The following ATP11C variants were observed in gnomAD, a reference collection of about 807,000 sequenced individuals.
ATP11C encodes ATPase phospholipid transporting 11C (ATP11C blood group).
Under a neutral mutation model 97.4 loss-of-function variants are expected in ATP11C, and 36 were observed. The observed-to-expected ratio is 0.37, with a 90% confidence interval of 0.28 to 0.49. The LOEUF is 0.49. Ranked by LOEUF, ATP11C falls within the 20% of genes least tolerant of loss-of-function variation. ATP11C has a pLI of 0.98. For synonymous variants in ATP11C, 275 were observed against 290.9 expected, an observed-to-expected ratio of 0.95 and a Z score of 0.56; for missense variants, 730 against 824.6, an observed-to-expected ratio of 0.89 and a Z score of 1.40.
chrX:139,761,909 G>T, intron 22 of ATP11C, 52 bp downstream of exon 22: 1 of 910,184 alleles, frequency 1.1e-6, no homozygotes, highest in Non-Finnish European at 1.5e-6. Context: ...TGACCAAGCT[G>T]AGCCAATGCT....
chrX:139,814,849 T>C (rs748614485), intron 5 of ATP11C, 29 bp downstream of exon 5: 2 of 923,893 alleles, frequency 2.2e-6, no homozygotes, highest in Admixed American at 3.0e-5. Flanking sequence ...TTTTTACCAT[T>C]AAAAAAGGAG....
intron 7 of ATP11C, among the ~76,000 whole-genome samples, 157 bp downstream of exon 7, chrX:139,802,079 G>A (rs1362258568): frequency 1.8e-5 from 2 of 111,744 alleles, no homozygotes; most frequent in Non-Finnish European, 3.8e-5. Flanking sequence ...AGTGAACAAG[G>A]CTGATTTGAT....
chrX:139,751,803 A>G (rs2081823014), intron 23 of ATP11C, among the ~76,000 whole-genome samples: 1 of 108,771 alleles, frequency 9.2e-6, no homozygotes, highest in Non-Finnish European at 1.9e-5. Flanking sequence ...AAAAAAAGAC[A>G]TTTAGTATCC....
intron 12 of ATP11C, among the ~76,000 whole-genome samples, chrX:139,790,496 A>T (rs933032187): frequency 4.3e-4 from 46 of 106,613 alleles, no homozygotes; most frequent in Admixed American, 4.3e-3. Flanking sequence ...ACACACACAC[A>T]CTCTTACACT....
chrX:139,776,927 G>T (rs1260468750), intron 18 of ATP11C, among the ~76,000 whole-genome samples: 1 of 111,449 alleles, frequency 9.0e-6, no homozygotes, highest in African/African-American at 3.3e-5. Flanking sequence ...ACCATATAGA[G>T]CCTTGCCCCG....
chrX:139,791,671 A>C (rs988134557), intron 12 of ATP11C, among the ~76,000 whole-genome samples: 5 of 111,090 alleles, frequency 4.5e-5, no homozygotes, highest in African/African-American at 1.3e-4. Context: ...TCATATTTAC[A>C]GAACCACCGC....
At chrX:139,867,943 TAA>T (rs1020790372) in intron 1 of ATP11C, among the ~76,000 whole-genome samples, 1 of 110,532 alleles carries the variant, frequency 9.0e-6, no homozygotes, top group African/African-American at 3.3e-5. Flanking sequence ...GAGAAGGAGT[TAA>T]GAGAGATTAA....
At chrX:139,743,654 A>G in intron 25 of ATP11C, 30 bp from the exon 26 acceptor site, 1 of 884,871 alleles carries the variant, frequency 1.1e-6, no homozygotes, top group Non-Finnish European at 1.6e-6. Context: ...TACATGTACC[A>G]TGTATATACA....
chrX:139,764,747 C>CA (rs1437911981), intron 20 of ATP11C, among the ~76,000 whole-genome samples: 2 of 111,780 alleles, frequency 1.8e-5, no homozygotes, highest in Non-Finnish European at 3.8e-5. Context: ...TTAAATAGTA[C>CA]AAAAAACCCC....
chrX:139,822,755 C>T (rs2083440990), intron 2 of ATP11C, among the ~76,000 whole-genome samples: 1 of 108,504 alleles, frequency 9.2e-6, no homozygotes. Flanking sequence ...CCCTTTGAAC[C>T]ATCTCCGAGG....
intron 1 of ATP11C, among the ~76,000 whole-genome samples, chrX:139,925,144 TATTA>T (rs1251703007): frequency 3.6e-5 from 4 of 112,082 alleles, no homozygotes; most frequent in Non-Finnish European, 7.5e-5. Context: ...GTGTTTACTA[TATTA>T]TATATTGCTG....
intron 1 of ATP11C, among the ~76,000 whole-genome samples, chrX:139,929,621 C>T (rs976869660): frequency 3.6e-5 from 4 of 111,285 alleles, no homozygotes; most frequent in African/African-American, 1.3e-4. Context: ...ACAATCAAAA[C>T]CAATATCAGA....
intron 1 of ATP11C, among the ~76,000 whole-genome samples, chrX:139,914,781 A>G (rs1415199662): frequency 9.0e-6 from 1 of 111,594 alleles, no homozygotes; most frequent in Non-Finnish European, 1.9e-5. Context: ...TTACACCATC[A>G]GTTCTTCTGG....
chrX:139,804,359 C>A, intron 6 of ATP11C, 112 bp downstream of exon 6: 1 of 605,472 alleles, frequency 1.7e-6, no homozygotes, highest in Non-Finnish European at 2.4e-6. Flanking sequence ...AATATAAAAC[C>A]TAAGAAAAAA....
Position 139,726,405 on chromosome X carries a change from AAAGGC to A in ATP11C, c.*2556_*2560del, listed in dbSNP as rs2081252612. The A allele has an allele frequency of 8.9e-6, 1 of 112,795 alleles. No homozygotes were observed. The highest frequency in any genetic ancestry group is 3.2e-5 in the African/African-American group (1 of 30,977). The allele number at this position is 112,795 out of a possible 1,213,427, so 9.3% of individuals were successfully genotyped here. ...ATCAAACAAAAATTTCTGTAATGGA[AAAGGC>A]AAGTTGCAGTCATAAAAGATGGCAT... On this transcript the variant is annotated 3_prime_UTR_variant, in exon 30 of 30. Transcript: ENST00000682941.
intron 11 of ATP11C, 61 bp downstream of exon 11, chrX:139,797,115 T>G: frequency 9.2e-7 from 1 of 1,092,069 alleles, no homozygotes. Context: ...TGAGCAGCAT[T>G]TCAGTGAAGG....
chrX:139,782,183 C>A (rs763500295), intron 18 of ATP11C, among the ~76,000 whole-genome samples: 1 of 108,940 alleles, frequency 9.2e-6, no homozygotes, highest in Non-Finnish European at 1.9e-5. Flanking sequence ...AAAAATTAGC[C>A]GGGCGTGGTG....
intron 1 of ATP11C, among the ~76,000 whole-genome samples, chrX:139,836,244 G>A (rs1439738122): frequency 9.1e-6 from 1 of 110,452 alleles, no homozygotes; most frequent in Non-Finnish European, 1.9e-5. Flanking sequence ...GGCCGGGCAC[G>A]GTGGCTCATG....
chrX:139,848,824 T>G (rs1288934432), intron 1 of ATP11C, among the ~76,000 whole-genome samples: 3 of 112,177 alleles, frequency 2.7e-5, no homozygotes, highest in African/African-American at 9.7e-5. Context: ...TTGCCATAAA[T>G]GACTTACCTA....
Sources: gnomAD v4.1 joint callset for allele counts (sites outside exome capture counted in the v4.1 genomes callset) on GRCh38, gnomAD v4.1.1 for gene constraint, MANE v1.5 for transcripts, NCBI Gene and HGNC (gene_info 2026-07-23, HGNC 2026-07-21) for gene names.